The following ERP44 variants were observed in gnomAD, a reference collection of about 807,000 sequenced individuals.
ERP44 encodes endoplasmic reticulum protein 44, also known as endoplasmic reticulum resident protein 44.
Under a neutral mutation model 53.4 loss-of-function variants are expected in ERP44, and 25 were observed. That is an observed-to-expected ratio of 0.47 (90% CI 0.34 to 0.65). The LOEUF (loss-of-function observed/expected upper bound fraction) is 0.65, where lower values mean the gene tolerates loss of function less well. ERP44 is among the 30% of genes least tolerant of loss of function. The pLI, the probability that ERP44 is intolerant of heterozygous loss-of-function variation, is 0.01. For missense variants in ERP44, 338 were observed against 493.2 expected, an observed-to-expected ratio of 0.69 and a Z score of 2.98; for synonymous variants, 145 against 161.2, an observed-to-expected ratio of 0.90 and a Z score of 0.76.
At chr9:100,089,647 G>T (rs1401446134) in intron 1 of ERP44, among the ~76,000 whole-genome samples, 1 of 144,972 alleles carries the variant, frequency 6.9e-6, no homozygotes, top group Non-Finnish European at 1.5e-5. Context: ...TAAGTGAAAA[G>T]ATGAAAGCTC....
intron 10 of ERP44, chr9:99,998,858 C>G (rs565390803): frequency 6.9e-7 from 1 of 1,443,166 alleles, no homozygotes; most frequent in African/African-American, 1.4e-5. Context: ...AGGTGTAGTT[C>G]TTCTAGCAAT....
chr9:100,096,240 G>A (rs1224085163), intron 1 of ERP44, among the ~76,000 whole-genome samples: 1 of 152,148 alleles, frequency 6.6e-6, no homozygotes, highest in East Asian at 1.9e-4. Flanking sequence ...CACAACCAGT[G>A]CAGGAAAAAC....
chr9:100,009,215 G>A (rs541878163), intron 8 of ERP44, among the ~76,000 whole-genome samples: 1 of 152,102 alleles, frequency 6.6e-6, no homozygotes, highest in East Asian at 1.9e-4. Context: ...GTGTTCAAAC[G>A]ATTCTCCTGT....
At chr9:99,997,411 T>A (rs930404413) in intron 10 of ERP44, among the ~76,000 whole-genome samples, 4 of 151,828 alleles carry the variant, frequency 2.6e-5, no homozygotes, top group African/African-American at 9.7e-5. Context: ...AGCATTTTTT[T>A]AACAAAATTT....
chr9:100,096,245 A>G (rs773978006), intron 1 of ERP44, among the ~76,000 whole-genome samples: 3 of 152,132 alleles, frequency 2.0e-5, no homozygotes, highest in Non-Finnish European at 4.4e-5. Flanking sequence ...CCAGTGCAGG[A>G]AAAACAGGCA....
Position 100,045,718 on chromosome 9 carries a change from G to A in ERP44, c.286+6699C>T, listed in dbSNP as rs187746454. 6.6e-5 allele frequency among the ~76,000 whole-genome samples: 10 copies of A among 152,256 alleles called. No individual in the cohort carries two copies. In the East Asian group the frequency reaches 1.9e-3, roughly 29 times the overall value. ...CTAAAGTACTCAAGGGCAGGACAGA[G>A]TAGGCTAACATAATACCAGACAGGT... On this transcript the variant is annotated intron_variant, in intron 4 of 11. Coordinates refer to ENST00000262455, the MANE Select transcript of ERP44 (RefSeq NM_015051.3).
At chr9:100,088,444 G>A (rs1215165842) in intron 1 of ERP44, among the ~76,000 whole-genome samples, 1 of 152,120 alleles carries the variant, frequency 6.6e-6, no homozygotes, top group African/African-American at 2.4e-5. Flanking sequence ...TCCCTCACTT[G>A]CTTCAAGGCT....
intron 10 of ERP44, among the ~76,000 whole-genome samples, chr9:99,991,692 C>T (rs181454121): frequency 1.4e-3 from 218 of 152,004 alleles, no homozygotes; most frequent in Non-Finnish European, 2.5e-3. Context: ...GATAGAGACA[C>T]AAAAACCCCT....
chr9:100,044,415 C>T (rs920319512), intron 4 of ERP44, among the ~76,000 whole-genome samples: 1 of 144,294 alleles, frequency 6.9e-6, no homozygotes, highest in African/African-American at 2.5e-5. Flanking sequence ...AAATGAAATT[C>T]TTTTTTTTTT....
intron 4 of ERP44, among the ~76,000 whole-genome samples, chr9:100,042,030 G>A (rs749817170): frequency 7.9e-5 from 12 of 152,152 alleles, no homozygotes; most frequent in Non-Finnish European, 1.5e-4. Flanking sequence ...GATAGGCACA[G>A]GCAACCAAAG....
chr9:99,980,365 TC>T lies in ERP44; in HGVS notation c.*2246del. The T allele has an allele frequency of 3.8e-6, 1 of 260,370 alleles. No individual in the cohort carries two copies. Among genetic ancestry groups the T allele is most frequent in the Non-Finnish European group, 7.2e-6 (1 of 139,252 alleles). The allele number at this position is 260,370 out of a possible 1,614,324, so 16.1% of individuals were successfully genotyped here. On this transcript the variant is annotated 3_prime_UTR_variant, in exon 12 of 12. Transcript: ENST00000262455. ...GACTGAAATCTGCTTCCCTGTGACT[TC>T]CTCAAATCCTAGTTCAAGCCCTGGG...
intron 10 of ERP44, among the ~76,000 whole-genome samples, chr9:100,004,932 C>T (rs1299984707): frequency 6.6e-6 from 1 of 152,106 alleles, no homozygotes; most frequent in Non-Finnish European, 1.5e-5. Context: ...TATTTTGACC[C>T]CCTCTAATCT....
chr9:100,084,126 A>G (rs1188467684), intron 1 of ERP44, among the ~76,000 whole-genome samples: 1 of 152,214 alleles, frequency 6.6e-6, no homozygotes, highest in Non-Finnish European at 1.5e-5. Context: ...AAAGGATATT[A>G]TAATTTGTAA....
intron 1 of ERP44, among the ~76,000 whole-genome samples, chr9:100,073,787 G>A (rs1826328720): frequency 6.6e-6 from 1 of 152,130 alleles, no homozygotes. Flanking sequence ...TAACAGCAGA[G>A]GCTTTTCAAA....
At chr9:100,078,638 C>T (rs1245306306) in intron 1 of ERP44, among the ~76,000 whole-genome samples, 1 of 151,766 alleles carries the variant, frequency 6.6e-6, no homozygotes. Context: ...ACCTGTGATC[C>T]CAGCTACTTG....
At position 100,098,921 on chromosome 9, in the gene ERP44, G is replaced by T. The variant is rs1453350584; in HGVS notation, c.-81C>A. 2.0e-5 allele frequency: 23 copies of T among 1,136,224 alleles called. No homozygotes were observed. The highest frequency in any genetic ancestry group is 3.1e-5 in the African/African-American group (2 of 64,218). The allele number at this position is 1,136,224 out of a possible 1,614,324, so 70.4% of individuals were successfully genotyped here. ...TTGGGTTGGGTTAGGAAAGGGCTGG[G>T]CTCCGGGAGCCGACGGCAGCGGAGG... is the stretch of plus-strand genomic sequence containing the variant. On this transcript the variant is annotated 5_prime_UTR_variant, in exon 1 of 12. Coordinates refer to ENST00000262455, the MANE Select transcript of ERP44 (RefSeq NM_015051.3).
In ERP44 at chr9:100,020,665, G is replaced by T; in HGVS notation, c.538C>A (p.Arg180=). The T allele has an allele frequency of 6.2e-7, 1 of 1,610,590 alleles. No homozygotes were observed. ...TCATCATGCAAAATATTCGCTACTC[G>T]TTCAAAAACTCTATAGTTGTCCGAG... ...KDSDNYRVFE[R]VANILHDDCA... is the part of the protein sequence containing the mutation. Residue 180 remains arginine (R), a synonymous_variant, in exon 6 of 12, where the codon CGA becomes AGA. Coordinates refer to ENST00000262455, the MANE Select transcript of ERP44 (RefSeq NM_015051.3).
At chr9:100,047,191 A>T (rs1298852522) in intron 4 of ERP44, among the ~76,000 whole-genome samples, 2 of 152,220 alleles carry the variant, frequency 1.3e-5, no homozygotes, top group African/African-American at 4.8e-5. Flanking sequence ...TGTGAGGCAA[A>T]GACTTCTTAG....
At chr9:100,006,206 C>T (rs535761668) in intron 10 of ERP44, among the ~76,000 whole-genome samples, 2 of 152,254 alleles carry the variant, frequency 1.3e-5, no homozygotes, top group African/African-American at 4.8e-5. Context: ...GAGCTAATTT[C>T]TCACAAGACA....
Sources: gnomAD v4.1 joint callset for allele counts (sites outside exome capture counted in the v4.1 genomes callset) on GRCh38, gnomAD v4.1.1 for gene constraint, MANE v1.5 for transcripts, NCBI Gene and HGNC (gene_info 2026-07-23, HGNC 2026-07-21) for gene names.